TNNI3K: variants seen among roughly 807,000 people sequenced by gnomAD.
TNNI3K encodes serine/threonine-protein kinase TNNI3K.
In TNNI3K, 140 loss-of-function variants were observed where a neutral mutation model predicts 114.5. The ratio of observed to expected loss-of-function variants is 1.22; its 90% CI spans 1.07 to 1.41. TNNI3K has a LOEUF of 1.41. TNNI3K is among the 40% of genes most tolerant of loss of function. The pLI, the probability that TNNI3K is intolerant of heterozygous loss-of-function variation, is 0.00. For missense variants in TNNI3K, 1,125 were observed against 1,007.6 expected (o/e 1.12, Z -1.58); for synonymous variants, 347 against 347.5 (o/e 1.00, Z 0.02).
chr1:74,483,426 C>T, intron 21 of TNNI3K: 1 of 700,388 alleles, frequency 1.4e-6, no homozygotes, highest in Non-Finnish European at 2.7e-6. Context: ...CATTCACTGT[C>T]CATTATTTCT....
intron 5 of TNNI3K, among the ~76,000 whole-genome samples, chr1:74,292,948 T>C (rs1186280362): frequency 2.0e-5 from 3 of 151,752 alleles, no homozygotes; most frequent in African/African-American, 7.2e-5. Context: ...AACTTCTCTA[T>C]CTCTAGCAAT....
At chr1:74,327,030 G>A (rs906696834) in intron 5 of TNNI3K, among the ~76,000 whole-genome samples, 1 of 149,772 alleles carries the variant, frequency 6.7e-6, no homozygotes, top group African/African-American at 2.5e-5. Flanking sequence ...GCAGTGAGCC[G>A]AGATTGCGCC....
At chr1:74,507,722 A>G (rs1022361280) in intron 23 of TNNI3K, among the ~76,000 whole-genome samples, 3 of 152,212 alleles carry the variant, frequency 2.0e-5, no homozygotes, top group African/African-American at 7.2e-5. Flanking sequence ...AACTTGTTTT[A>G]GCCATGTTGG....
intron 23 of TNNI3K, among the ~76,000 whole-genome samples, chr1:74,496,655 G>A (rs1206450100): frequency 6.6e-6 from 1 of 152,040 alleles, no homozygotes; most frequent in African/African-American, 2.4e-5. Flanking sequence ...GCAAAATTGT[G>A]TCAGAGATTT....
chr1:74,456,077 G>T (rs564576604), intron 20 of TNNI3K, among the ~76,000 whole-genome samples: 9 of 152,184 alleles, frequency 5.9e-5, no homozygotes, highest in Non-Finnish European at 1.0e-4. Flanking sequence ...CAAAGCAAAG[G>T]CTGGACTGGA....
chr1:74,458,168 C>CT, intron 20 of TNNI3K, among the ~76,000 whole-genome samples: 1 of 152,112 alleles, frequency 6.6e-6, no homozygotes, highest in Non-Finnish European at 1.5e-5. Context: ...TCCTACTAAC[C>CT]TGTGGGTTAA....
intron 17 of TNNI3K, among the ~76,000 whole-genome samples, chr1:74,390,019 T>C (rs542757578): frequency 6.6e-6 from 1 of 152,254 alleles, no homozygotes; most frequent in East Asian, 1.9e-4. Flanking sequence ...ATAATGATAT[T>C]AGAGGCATTT....
intron 23 of TNNI3K, among the ~76,000 whole-genome samples, chr1:74,517,588 T>A (rs1376923407): frequency 6.6e-6 from 1 of 152,212 alleles, no homozygotes; most frequent in Non-Finnish European, 1.5e-5. Context: ...ATGTGGGGGC[T>A]GTGTGCTAAG....
chr1:74,460,685 A>G (rs957098517), intron 20 of TNNI3K, among the ~76,000 whole-genome samples: 2 of 152,240 alleles, frequency 1.3e-5, no homozygotes, highest in Admixed American at 6.5e-5. Context: ...CAAGACTGAC[A>G]AAACAATCTC....
intron 5 of TNNI3K, among the ~76,000 whole-genome samples, chr1:74,278,288 C>T (rs1656803310): frequency 6.6e-6 from 1 of 152,132 alleles, no homozygotes; most frequent in South Asian, 2.1e-4. Flanking sequence ...ATAGTTAATG[C>T]TTTGAATAGA....
Position 74,315,161 on chromosome 1 carries a change from T to G in TNNI3K, c.445-16289T>G, listed in dbSNP as rs141220170. On this transcript the variant is annotated intron_variant, in intron 5 of 24. Coordinates refer to ENST00000326637, the MANE Select transcript of TNNI3K (RefSeq NM_015978.3). The stretch of plus-strand genomic sequence containing the variant: ...ATTAGGTTTTATTTTGATTTAGTAA[T>G]GTGAATTTGTCACATAATGAAAGAG... Among the ~76,000 whole-genome samples, 72 of 152,312 alleles carry G rather than the reference T, an allele frequency of 4.7e-4. No individual in the cohort carries two copies. The East Asian group carries it at 0.013, about 28-fold the overall frequency.
intron 21 of TNNI3K, chr1:74,471,569 T>C: frequency 2.5e-6 from 1 of 400,724 alleles, no homozygotes. Context: ...CCTTTGTTTC[T>C]CTCCCCAGTG....
intron 17 of TNNI3K, among the ~76,000 whole-genome samples, chr1:74,378,284 A>C (rs1663008347): frequency 6.6e-6 from 1 of 151,928 alleles, no homozygotes; most frequent in Non-Finnish European, 1.5e-5. Flanking sequence ...TAAGCTATAT[A>C]ATTTATTAAT....
At chr1:74,454,621 A>T (rs1667156801) in intron 20 of TNNI3K, among the ~76,000 whole-genome samples, 2 of 152,136 alleles carry the variant, frequency 1.3e-5, no homozygotes, top group South Asian at 4.1e-4. Flanking sequence ...TTATCTACTG[A>T]TGTACATTTA....
At chr1:74,317,099 A>G (rs1436139218) in intron 5 of TNNI3K, among the ~76,000 whole-genome samples, 2 of 152,136 alleles carry the variant, frequency 1.3e-5, no homozygotes, top group East Asian at 3.9e-4. Context: ...TATAAGCTCA[A>G]CAAACACACA....
chr1:74,332,246 C>T (rs932891591), intron 6 of TNNI3K, among the ~76,000 whole-genome samples: 2 of 151,592 alleles, frequency 1.3e-5, no homozygotes, highest in South Asian at 2.1e-4. Flanking sequence ...TATGATAGAA[C>T]CTTTATCTTT....
Position 74,544,354 on chromosome 1 carries a change from G to T in TNNI3K, c.*372G>T, listed in dbSNP as rs199873842. Reference sequence around the variant, plus strand: ...CTATGGGTTTATTTCTTAGAACATTGTTCATTTTCTTTTCTCATTATGTTA... The same window carrying T: ...CTATGGGTTTATTTCTTAGAACATTTTTCATTTTCTTTTCTCATTATGTTA... On this transcript the variant is annotated 3_prime_UTR_variant, in exon 25 of 25. Coordinates refer to ENST00000326637, the MANE Select transcript of TNNI3K (RefSeq NM_015978.3). The T allele has an allele frequency of 5.9e-6, 1 of 170,232 alleles. No homozygotes were observed. The highest frequency in any genetic ancestry group is 1.2e-5 in the Non-Finnish European group (1 of 80,718). 10.5% of individuals were successfully genotyped at this position (170,232 alleles called of 1,614,324 possible).
At chr1:74,391,970 T>TA (rs1368788739) in intron 17 of TNNI3K, among the ~76,000 whole-genome samples, 1 of 141,982 alleles carries the variant, frequency 7.0e-6, no homozygotes, top group Non-Finnish European at 1.5e-5. Context: ...TTTTTTTTTT[T>TA]TTTTTTTTTT....
intron 5 of TNNI3K, among the ~76,000 whole-genome samples, chr1:74,315,853 T>C (rs1483571091): frequency 6.6e-6 from 1 of 152,186 alleles, no homozygotes; most frequent in Admixed American, 6.5e-5. Context: ...AAATTTATAC[T>C]GTAGGAGATA....
Sources: gnomAD v4.1 joint callset for allele counts (sites outside exome capture counted in the v4.1 genomes callset) on GRCh38, gnomAD v4.1.1 for gene constraint, MANE v1.5 for transcripts, NCBI Gene and HGNC (gene_info 2026-07-23, HGNC 2026-07-21) for gene names.